TTBK2: variants seen among roughly 807,000 people sequenced by gnomAD.
TTBK2 encodes tau-tubulin kinase 2.
In TTBK2, 28 loss-of-function variants were observed where a neutral mutation model predicts 110.8. That is an observed-to-expected ratio of 0.25 (90% CI 0.19 to 0.35). The LOEUF is 0.35. TTBK2 is among the 10% of genes least tolerant of loss of function. The pLI is 1.00. For missense variants in TTBK2, 1,369 were observed against 1,500.3 expected (o/e 0.91, Z 1.45); for synonymous variants, 532 against 527.3 (o/e 1.01, Z -0.12).
chr15:42,916,072 CCTTTA>C (rs1193741011), intron 1 of TTBK2, among the ~76,000 whole-genome samples: 2 of 152,014 alleles, frequency 1.3e-5, no homozygotes, highest in Admixed American at 6.6e-5. Context: ...AATGATAATG[CCTTTA>C]TTTATAGAAT....
At chr15:42,834,936 GATTT>G (rs918417086) in intron 4 of TTBK2, among the ~76,000 whole-genome samples, 2 of 152,176 alleles carry the variant, frequency 1.3e-5, no homozygotes, top group Non-Finnish European at 2.9e-5. Flanking sequence ...TGAATTTATG[GATTT>G]ATTATATAGT....
At chr15:42,798,119 G>A (rs1276424833) in intron 9 of TTBK2, 4 of 422,356 alleles carry the variant, frequency 9.5e-6, no homozygotes, top group Admixed American at 2.7e-5. Flanking sequence ...CCTGACCTCA[G>A]GTGATCCACC....
At chr15:42,791,580 A>G (rs1890686727) in intron 10 of TTBK2, among the ~76,000 whole-genome samples, 2 of 151,966 alleles carry the variant, frequency 1.3e-5, no homozygotes, top group South Asian at 4.1e-4. Context: ...TTCTTCAATT[A>G]TGAGATAATT....
chr15:42,814,709 C>T (rs1891866931), intron 7 of TTBK2, among the ~76,000 whole-genome samples: 1 of 152,186 alleles, frequency 6.6e-6, no homozygotes, highest in African/African-American at 2.4e-5. Context: ...TAAGTTTAGA[C>T]AAGCAACTGT....
In TTBK2 at chr15:42,840,373, A is replaced by G; in HGVS notation, c.278T>C (p.Val93Ala). The G allele has an allele frequency of 1.9e-6, 3 of 1,614,026 alleles. No individual in the cohort carries two copies. Among genetic ancestry groups the G allele is most frequent in the Non-Finnish European group, 2.5e-6 (3 of 1,179,922 alleles). Residue 93 changes from valine to alanine, a missense_variant, in exon 4 of 15, where the codon GTC (valine) becomes GCC (alanine). Coordinates refer to ENST00000267890, the MANE Select transcript of TTBK2 (RefSeq NM_173500.4). ...CGRNDRFNYV[V>A]MQLQGRNLAD... ...AAGGTAACCTACCTGCAACTGCATGACCACATAGTTGAATCGATCATTCCT... is the reference window on the plus strand; with the variant it reads ...AAGGTAACCTACCTGCAACTGCATGGCCACATAGTTGAATCGATCATTCCT...
intron 1 of TTBK2, chr15:42,908,403 C>A: frequency 6.6e-6 from 1 of 152,190 alleles, no homozygotes; most frequent in South Asian, 2.1e-4. Flanking sequence ...CCTAGGAGTT[C>A]AAAGCTGCAG....
chr15:42,860,247 C>T (rs964025841), intron 3 of TTBK2, among the ~76,000 whole-genome samples: 3 of 151,912 alleles, frequency 2.0e-5, no homozygotes, highest in Non-Finnish European at 4.4e-5. Context: ...ATTCAGAAAA[C>T]GCCAAGTGGG....
intron 3 of TTBK2, among the ~76,000 whole-genome samples, chr15:42,843,758 C>CAAA (rs57403388): frequency 1.5e-3 from 106 of 71,516 alleles, no homozygotes; most frequent in African/African-American, 2.7e-3. Context: ...GACTTGGTCT[C>CAAA]AAAAAAAAAA....
chr15:42,817,601 A>G (rs1161309547), intron 6 of TTBK2, among the ~76,000 whole-genome samples: 3 of 152,224 alleles, frequency 2.0e-5, no homozygotes, highest in Admixed American at 2.0e-4. Context: ...TCATGTATTA[A>G]AAATTCAAGT....
intron 9 of TTBK2, 50 bp from the exon 10 acceptor site, chr15:42,794,851 C>T: frequency 1.2e-6 from 2 of 1,604,604 alleles, no homozygotes; most frequent in African/African-American, 2.7e-5. Context: ...AACATAGTCA[C>T]TTTATTCTAT....
At chr15:42,811,890 T>G (rs952835983) in intron 7 of TTBK2, 110 bp from the exon 8 acceptor site, 6 of 842,986 alleles carry the variant, frequency 7.1e-6, no homozygotes, top group African/African-American at 6.9e-5. Flanking sequence ...AAATGTAAAT[T>G]TATTTCCCAA....
At chr15:42,765,865 A>C (rs1431144470) in intron 13 of TTBK2, among the ~76,000 whole-genome samples, 1 of 152,232 alleles carries the variant, frequency 6.6e-6, no homozygotes, top group Non-Finnish European at 1.5e-5. Flanking sequence ...GGGCAGCCAG[A>C]GAGAAAGGGC....
intron 10 of TTBK2, among the ~76,000 whole-genome samples, chr15:42,784,490 G>A (rs548475191): frequency 3.3e-5 from 5 of 152,184 alleles, no homozygotes; most frequent in African/African-American, 1.2e-4. Flanking sequence ...GTTGGGCAGG[G>A]TGGTCTCAAA....
At chr15:42,853,051 C>A (rs1893783445) in intron 3 of TTBK2, among the ~76,000 whole-genome samples, 1 of 152,130 alleles carries the variant, frequency 6.6e-6, no homozygotes, top group Non-Finnish European at 1.5e-5. Flanking sequence ...TTACATATTT[C>A]TTCTATTCTT....
At chr15:42,824,907 AT>A (rs1250674077) in intron 6 of TTBK2, among the ~76,000 whole-genome samples, 15 of 152,192 alleles carry the variant, frequency 9.9e-5, no homozygotes, top group South Asian at 6.2e-4. Context: ...AACAATATAC[AT>A]CAAATCAGGG....
At chr15:42,906,019 T>C (rs2030370904) in intron 1 of TTBK2, among the ~76,000 whole-genome samples, 1 of 151,992 alleles carries the variant, frequency 6.6e-6, no homozygotes, top group Non-Finnish European at 1.5e-5. Context: ...AGAAACCCTG[T>C]CTCTACTAAA....
intron 3 of TTBK2, among the ~76,000 whole-genome samples, chr15:42,850,364 T>C (rs1341374288): frequency 6.6e-6 from 1 of 152,130 alleles, no homozygotes; most frequent in Non-Finnish European, 1.5e-5. Flanking sequence ...CAGGCTGGGG[T>C]ATACTGGAAG....
chr15:42,809,721 C>T (rs182905662), intron 9 of TTBK2, among the ~76,000 whole-genome samples: 14 of 152,292 alleles, frequency 9.2e-5, no homozygotes, highest in Admixed American at 5.2e-4. Flanking sequence ...GACAAACTCA[C>T]CAATTTAAGG....
Position 42,806,975 on chromosome 15 carries a change from A to G in TTBK2, c.822+3639T>C, listed in dbSNP as rs917617954. On this transcript the variant is annotated intron_variant, in intron 9 of 14. Coordinates refer to ENST00000267890, the MANE Select transcript of TTBK2 (RefSeq NM_173500.4). ...CTTTAGAAAGAGACCTTCCTTGACC[A>G]CTCTATTTGATCGGAGGTTCCCCCT... Among the ~76,000 whole-genome samples the G allele has an allele frequency of 3.3e-5, 5 of 151,718 alleles. No individual in the cohort carries two copies. The South Asian group carries it at 8.3e-4, about 25-fold the overall frequency.
Sources: allele counts gnomAD v4.1 joint callset (sites outside exome capture counted in the v4.1 genomes callset), GRCh38; gene constraint gnomAD v4.1.1; transcripts MANE v1.5; gene names NCBI Gene and HGNC (gene_info 2026-07-23, HGNC 2026-07-21).